The following KREMEN1 variants were observed in gnomAD, a reference collection of about 807,000 sequenced individuals.
KREMEN1 encodes kremen protein 1.
In KREMEN1, 30 loss-of-function variants were observed where a neutral mutation model predicts 46.5. That is an observed-to-expected ratio of 0.65 (90% CI 0.48 to 0.88). The LOEUF (loss-of-function observed/expected upper bound fraction) is 0.88, where lower values mean the gene tolerates loss of function less well. Ranked by LOEUF, KREMEN1 falls within the 40% of genes least tolerant of loss-of-function variation. The probability of loss-of-function intolerance (pLI) is 0.00; values close to 1 mark genes in which losing one functional copy is unlikely to be tolerated. For synonymous variants in KREMEN1, 214 were observed against 230.6 expected, an observed-to-expected ratio of 0.93 and a Z score of 0.65; for missense variants, 533 against 596.9, an observed-to-expected ratio of 0.89 and a Z score of 1.11.
chr22:29,166,061 C>G (rs2039050410), intron 9 of KREMEN1, among the ~76,000 whole-genome samples: 1 of 152,210 alleles, frequency 6.6e-6, no homozygotes, highest in African/African-American at 2.4e-5. Context: ...TCACCACACA[C>G]ACACCATATG....
chr22:29,081,507 C>T (rs946683746), intron 1 of KREMEN1, among the ~76,000 whole-genome samples: 2 of 152,114 alleles, frequency 1.3e-5, no homozygotes, highest in African/African-American at 2.4e-5. Flanking sequence ...TTTTATTTGT[C>T]AAATCTGGCA....
intron 3 of KREMEN1, among the ~76,000 whole-genome samples, chr22:29,109,704 C>A (rs1168960340): frequency 1.3e-5 from 2 of 152,122 alleles, no homozygotes; most frequent in Non-Finnish European, 2.9e-5. Flanking sequence ...GGAAGAGAAG[C>A]AAGTCCAGTG....
chr22:29,088,644 G>A (rs2037765665), intron 1 of KREMEN1, among the ~76,000 whole-genome samples: 1 of 152,114 alleles, frequency 6.6e-6, no homozygotes, highest in African/African-American at 2.4e-5. Flanking sequence ...AATAACCTCA[G>A]TTATCATGAT....
At chr22:29,137,159 A>G (rs2038673161) in intron 5 of KREMEN1, among the ~76,000 whole-genome samples, 183 bp from the exon 6 acceptor site, 1 of 152,110 alleles carries the variant, frequency 6.6e-6, no homozygotes, top group Non-Finnish European at 1.5e-5. Context: ...GGGGGGAAAA[A>G]CATCTCCACA....
At chr22:29,108,523 C>T (rs2038095933) in intron 3 of KREMEN1, among the ~76,000 whole-genome samples, 1 of 152,194 alleles carries the variant, frequency 6.6e-6, no homozygotes, top group Non-Finnish European at 1.5e-5. Context: ...AAAATGCATG[C>T]TGCCCTAAGT....
intron 3 of KREMEN1, among the ~76,000 whole-genome samples, chr22:29,113,989 CT>C (rs2038192839): frequency 6.6e-6 from 1 of 152,146 alleles, no homozygotes. Flanking sequence ...CCTTTCAGTT[CT>C]AATGTTCTGA....
intron 3 of KREMEN1, among the ~76,000 whole-genome samples, chr22:29,116,563 G>A (rs1186955033): frequency 6.6e-6 from 1 of 152,186 alleles, no homozygotes; most frequent in African/African-American, 2.4e-5. Flanking sequence ...AGAGGTTCCA[G>A]CTGTGTTAAT....
intron 9 of KREMEN1, among the ~76,000 whole-genome samples, chr22:29,165,297 G>A (rs750488045): frequency 1.3e-5 from 2 of 152,024 alleles, no homozygotes; most frequent in African/African-American, 4.8e-5. Flanking sequence ...GTAGTCCTCC[G>A]GAGGCTGAGA....
intron 5 of KREMEN1, among the ~76,000 whole-genome samples, chr22:29,128,248 C>T (rs1409889964): frequency 1.3e-5 from 2 of 152,166 alleles, no homozygotes; most frequent in East Asian, 1.9e-4. Flanking sequence ...TATGATTTTT[C>T]AACTTTGCAG....
rs6006025 is a variant in KREMEN1 at position 29,142,323 on chromosome 22, T to C, written c.*211T>C. 10 of 1,267,210 alleles carry C rather than the reference T, an allele frequency of 7.9e-6. No homozygotes were observed. The African/African-American group carries it at 1.1e-4, about 14-fold the overall frequency. The allele number at this position is 1,267,210 out of a possible 1,614,324, so 78.5% of individuals were successfully genotyped here. On this transcript the variant is annotated 3_prime_UTR_variant, in exon 9 of 9. Transcript: ENST00000400335. Reference sequence around the variant, plus strand: ...TTCCTCCTGCTTCATCGATTGCACTTAGGAGAGAGACTCAAAGCCCTGGGG... The same window carrying C: ...TTCCTCCTGCTTCATCGATTGCACTCAGGAGAGAGACTCAAAGCCCTGGGG...
In KREMEN1 at chr22:29,142,474, G is replaced by T. The variant is rs1222144209; in HGVS notation, c.*362G>T. On this transcript the variant is annotated 3_prime_UTR_variant, in exon 9 of 9. Coordinates refer to ENST00000400335, the MANE Select transcript of KREMEN1 (RefSeq NM_001039570.3). ...GGTACATTCTAGATGGCTGTCAGGT[G>T]GTGGGTAGCTTTAGTTACATTGAAT... The T allele has an allele frequency of 9.8e-7, 1 of 1,024,130 alleles. No individual in the cohort carries two copies. Among genetic ancestry groups the T allele is most frequent in the African/African-American group, 1.7e-5 (1 of 59,036 alleles). The allele number at this position is 1,024,130 out of a possible 1,614,324, so 63.4% of individuals were successfully genotyped here.
intron 5 of KREMEN1, among the ~76,000 whole-genome samples, chr22:29,131,532 A>ATATC (rs1345114774): frequency 3.1e-4 from 4 of 12,730 alleles, no homozygotes; most frequent in African/African-American, 6.8e-4. Context: ...TCATATATAT[A>ATATC]TATATATATA....
At chr22:29,079,524 G>A (rs949441881) in intron 1 of KREMEN1, among the ~76,000 whole-genome samples, 5 of 152,240 alleles carry the variant, frequency 3.3e-5, no homozygotes, top group Admixed American at 6.5e-5. Flanking sequence ...AGTGGGCTGA[G>A]GAGGCTGCAG....
chr22:29,094,570 C>T, intron 2 of KREMEN1, 150 bp downstream of exon 2: 1 of 362,246 alleles, frequency 2.8e-6, no homozygotes. Flanking sequence ...TCTTTCACAC[C>T]TTACACACAC....
rs2038863747 is a variant in KREMEN1 at position 29,146,405 on chromosome 22, G to A, written c.*4293G>A. The A allele has an allele frequency of 1.0e-6, 1 of 985,846 alleles. No individual in the cohort carries two copies. The highest frequency in any genetic ancestry group is 1.7e-5 in the African/African-American group (1 of 57,362). 61.1% of individuals were successfully genotyped at this position (985,846 alleles called of 1,614,324 possible). A position where few individuals can be genotyped will look rare whatever the true frequency, so the allele number is the denominator to read the frequency against. ...ACAGGCTTCCGTCTTGCTGAGTTGG[G>A]TACGGAGGCAGAAGTGGGGTGTGGA... On this transcript the variant is annotated 3_prime_UTR_variant, in exon 9 of 9. Coordinates refer to ENST00000400335, the MANE Select transcript of KREMEN1 (RefSeq NM_001039570.3).
At chr22:29,112,736 A>T (rs748135857) in intron 3 of KREMEN1, among the ~76,000 whole-genome samples, 1 of 152,240 alleles carries the variant, frequency 6.6e-6, no homozygotes, top group Non-Finnish European at 1.5e-5. Flanking sequence ...AAAATGCATG[A>T]CCAAGCCACA....
intron 1 of KREMEN1, among the ~76,000 whole-genome samples, chr22:29,075,030 T>G (rs1364742467): frequency 6.6e-6 from 1 of 152,204 alleles, no homozygotes; most frequent in East Asian, 1.9e-4. Context: ...TGTAAAAGGC[T>G]AAGCTTGGCT....
At chr22:29,113,050 C>G (rs2038176871) in intron 3 of KREMEN1, among the ~76,000 whole-genome samples, 2 of 152,188 alleles carry the variant, frequency 1.3e-5, no homozygotes, top group South Asian at 4.1e-4. Context: ...AGTCTTGAAT[C>G]TCAGGTCTCA....
At chr22:29,107,220 T>TC (rs2038075239) in intron 3 of KREMEN1, among the ~76,000 whole-genome samples, 1 of 79,002 alleles carries the variant, frequency 1.3e-5, no homozygotes, top group Non-Finnish European at 2.0e-5. Context: ...CATTTATACT[T>TC]TTTTTTTTTT....
Sources: allele counts gnomAD v4.1 joint callset (sites outside exome capture counted in the v4.1 genomes callset), GRCh38; gene constraint gnomAD v4.1.1; transcripts MANE v1.5; gene names NCBI Gene and HGNC (gene_info 2026-07-23, HGNC 2026-07-21).